NOPCHAP1: variants seen among roughly 807,000 people sequenced by gnomAD.
NOPCHAP1 encodes DNA damage-sensitive RNA 1.
NOPCHAP1 carries 13 observed loss-of-function variants against 14.0 expected under a neutral mutation model. The ratio of observed to expected loss-of-function variants is 0.93; its 90% CI spans 0.60 to 1.47. The LOEUF (loss-of-function observed/expected upper bound fraction) is 1.47. NOPCHAP1 is among the 40% of genes most tolerant of loss of function. The probability of loss-of-function intolerance (pLI) is 0.00; values close to 1 mark genes in which losing one functional copy is unlikely to be tolerated. For synonymous variants in NOPCHAP1, 78 were observed against 78.4 expected (o/e 1.00, Z 0.03); for missense variants, 230 against 226.9 (o/e 1.01, Z -0.09).
At position 105,008,791 on chromosome 12, in the gene NOPCHAP1, G is replaced by A. The variant is rs1873757208; in HGVS notation, c.*14095G>A. On this transcript the variant is annotated 3_prime_UTR_variant, in exon 4 of 4. Coordinates refer to ENST00000552951, the MANE Select transcript of NOPCHAP1 (RefSeq NM_152318.3). ...CAAGTTTTTCAAAGATCAGATGGTT[G>A]TAGATGTGTGGTATTATTTCTGAGG... The A allele has an allele frequency of 6.6e-6, 1 of 152,164 alleles. No individual in the cohort carries two copies. Among genetic ancestry groups the A allele is most frequent in the South Asian group, 2.1e-4 (1 of 4,826 alleles). 9.4% of individuals were successfully genotyped at this position (152,164 alleles called of 1,614,324 possible).
rs1283342881 is a variant in NOPCHAP1 at position 104,999,980 on chromosome 12, G to A, written c.*5284G>A. 1 of 152,196 alleles carries A rather than the reference G, an allele frequency of 6.6e-6. No homozygotes were observed. The highest frequency in any genetic ancestry group is 1.9e-4 in the East Asian group (1 of 5,200). 9.4% of individuals were successfully genotyped at this position (152,196 alleles called of 1,614,324 possible). ...CTTCCTGATATCCCAGTCTCTTGGT[G>A]GCAGATGTTCCTTCTGGCTGCATCT... On this transcript the variant is annotated 3_prime_UTR_variant, in exon 4 of 4. Transcript: ENST00000552951.
chr12:104,990,786 A>C (rs1873358102), intron 2 of NOPCHAP1, among the ~76,000 whole-genome samples: 1 of 152,220 alleles, frequency 6.6e-6, no homozygotes, highest in Non-Finnish European at 1.5e-5. Context: ...AAATGTATTA[A>C]TTAGGATTCT....
rs1311802290 is a variant in NOPCHAP1 at position 105,011,265 on chromosome 12, T to TA, written c.*16572dup. On this transcript the variant is annotated 3_prime_UTR_variant, in exon 4 of 4. Transcript: ENST00000552951. ...TTGTCTTTTTTGATCTTTGTTGGTT[T>TA]AAAGTCTGTTTTATCGGAGACCAGG... 6.6e-6 allele frequency: 1 copy of TA among 152,222 alleles called. No homozygotes were observed. The highest frequency in any genetic ancestry group is 2.4e-5 in the African/African-American group (1 of 41,454). The allele number at this position is 152,222 out of a possible 1,614,324, so 9.4% of individuals were successfully genotyped here.
At position 105,013,280 on chromosome 12, in the gene NOPCHAP1, G is replaced by A. The variant is rs1269043216; in HGVS notation, c.*18584G>A. On this transcript the variant is annotated 3_prime_UTR_variant, in exon 4 of 4. Coordinates refer to ENST00000552951, the MANE Select transcript of NOPCHAP1 (RefSeq NM_152318.3). ...TTCCCTGTGGCTTTATTTACACTGTGAGGAGAAAACTGCCTACTCAAGCCT... is the reference window on the plus strand; with the variant it reads ...TTCCCTGTGGCTTTATTTACACTGTAAGGAGAAAACTGCCTACTCAAGCCT... The A allele has an allele frequency of 6.6e-6, 1 of 152,250 alleles. No individual in the cohort carries two copies. Among genetic ancestry groups the A allele is most frequent in the Non-Finnish European group, 1.5e-5 (1 of 68,096 alleles). 9.4% of individuals were successfully genotyped at this position (152,250 alleles called of 1,614,324 possible). A position where few individuals can be genotyped will look rare whatever the true frequency, so the allele number is the denominator to read the frequency against.
rs928880311 is a variant in NOPCHAP1 at position 105,017,076 on chromosome 12, C to A, written c.*22380C>A. The A allele has an allele frequency of 6.6e-6, 1 of 152,190 alleles. No homozygotes were observed. Among genetic ancestry groups the A allele is most frequent in the Non-Finnish European group, 1.5e-5 (1 of 68,048 alleles). 9.4% of individuals were successfully genotyped at this position (152,190 alleles called of 1,614,324 possible). A position where few individuals can be genotyped will look rare whatever the true frequency, so the allele number is the denominator to read the frequency against. On this transcript the variant is annotated 3_prime_UTR_variant, in exon 4 of 4. Transcript: ENST00000552951. Reference sequence around the variant, plus strand: ...GTGTAATGGCTTTTGAAGCAAAAATCTCATTCTGAATAAATCTCCCATCTG... The same window carrying A: ...GTGTAATGGCTTTTGAAGCAAAAATATCATTCTGAATAAATCTCCCATCTG...
rs1480467943 is a variant in NOPCHAP1, at chr12:105,012,398, C to G, written c.*17702C>G. On this transcript the variant is annotated 3_prime_UTR_variant, in exon 4 of 4. Coordinates refer to ENST00000552951, the MANE Select transcript of NOPCHAP1 (RefSeq NM_152318.3). ...GTTAGCAATTTCTCTAATCTTTTTTCAAGGTTCTTAGCTTCCTTGCATTGG... is the reference window on the plus strand; with the variant it reads ...GTTAGCAATTTCTCTAATCTTTTTTGAAGGTTCTTAGCTTCCTTGCATTGG... The G allele has an allele frequency of 1.3e-5, 2 of 152,092 alleles. No individual in the cohort carries two copies. Among genetic ancestry groups the G allele is most frequent in the Admixed American group, 6.5e-5 (1 of 15,272 alleles). 9.4% of individuals were successfully genotyped at this position (152,092 alleles called of 1,614,324 possible). A position where few individuals can be genotyped will look rare whatever the true frequency, so the allele number is the denominator to read the frequency against.
Position 104,991,758 on chromosome 12 carries a change from TGAAAA to T in NOPCHAP1, c.251_255del (p.Glu84AlafsTer16). The T allele has an allele frequency of 6.2e-7, 1 of 1,613,722 alleles. No individual in the cohort carries two copies. The highest frequency in any genetic ancestry group is 8.5e-7 in the Non-Finnish European group (1 of 1,179,950). ...TTCTCCCACAGATGGCACGGGCAAA[TGAAAA>T]GCTAAGAAAAGAAATGGCAGCTGCA... On this transcript the variant is annotated frameshift_variant, in exon 3 of 4. Transcript: ENST00000552951. LOFTEE classifies it high-confidence loss of function.
chr12:105,015,695 G>A lies in NOPCHAP1; in HGVS notation c.*20999G>A. ...CACTTAGCAGCCATCTGGATTCTCA[G>A]ATTGAAAACAGTGTGTATAGGGTTC... On this transcript the variant is annotated 3_prime_UTR_variant, in exon 4 of 4. Coordinates refer to ENST00000552951, the MANE Select transcript of NOPCHAP1 (RefSeq NM_152318.3). 6.6e-6 allele frequency: 1 copy of A among 152,218 alleles called. No individual in the cohort carries two copies. Among genetic ancestry groups the A allele is most frequent in the East Asian group, 1.9e-4 (1 of 5,200 alleles). The allele number at this position is 152,218 out of a possible 1,614,324, so 9.4% of individuals were successfully genotyped here.
chr12:104,993,785 G>T (rs1873433363), intron 3 of NOPCHAP1, among the ~76,000 whole-genome samples: 1 of 152,200 alleles, frequency 6.6e-6, no homozygotes, highest in Admixed American at 6.5e-5. Context: ...CCTGCAGGTT[G>T]TAATTTACTG....
chr12:104,989,163 T>C (rs55916348), intron 2 of NOPCHAP1, among the ~76,000 whole-genome samples: 14,755 of 152,176 alleles, frequency 0.097, 806 homozygotes, highest in African/African-American at 0.14. Flanking sequence ...CGTTGTGATC[T>C]TAATTTGTTT....
Position 105,016,049 on chromosome 12 carries a change from A to G in NOPCHAP1, c.*21353A>G, listed in dbSNP as rs1873939632. On this transcript the variant is annotated 3_prime_UTR_variant, in exon 4 of 4. Transcript: ENST00000552951. ...CTAAAATTACAAAGGAAAAGAGTGGAAAATTCATCCCCATAAATATTAAAA... is the reference window on the plus strand; with the variant it reads ...CTAAAATTACAAAGGAAAAGAGTGGGAAATTCATCCCCATAAATATTAAAA... 6.6e-6 allele frequency: 1 copy of G among 151,876 alleles called. No homozygotes were observed. The highest frequency in any genetic ancestry group is 2.1e-4 in the South Asian group (1 of 4,822). The allele number at this position is 151,876 out of a possible 1,614,324, so 9.4% of individuals were successfully genotyped here.
At chr12:104,986,561 G>A (rs1873240959) in intron 1 of NOPCHAP1, 94 bp downstream of exon 1, 3 of 1,073,286 alleles carry the variant, frequency 2.8e-6, no homozygotes, top group African/African-American at 1.7e-5. Context: ...CTCCCTGCCC[G>A]GGCTCCGTAC....
rs1263411534 is a variant in NOPCHAP1, at chr12:104,997,147, T to C, written c.*2451T>C. 2 of 152,262 alleles carry C rather than the reference T, an allele frequency of 1.3e-5. No individual in the cohort carries two copies. The highest frequency in any genetic ancestry group is 2.9e-5 in the Non-Finnish European group (2 of 68,044). 9.4% of individuals were successfully genotyped at this position (152,262 alleles called of 1,614,324 possible). A position where few individuals can be genotyped will look rare whatever the true frequency, so the allele number is the denominator to read the frequency against. The stretch of plus-strand genomic sequence containing the variant: ...TCATCATATTGTTAGCTGGTTACCA[T>C]GCAGACTTGTCTGTGTGGTTGCTTT... On this transcript the variant is annotated 3_prime_UTR_variant, in exon 4 of 4. Transcript: ENST00000552951.
intron 2 of NOPCHAP1, among the ~76,000 whole-genome samples, chr12:104,991,387 A>G (rs1873370735): frequency 6.6e-6 from 1 of 152,198 alleles, no homozygotes; most frequent in Admixed American, 6.5e-5. Flanking sequence ...AGTTATTCGT[A>G]CCCTAAAGCC....
At position 105,002,894 on chromosome 12, in the gene NOPCHAP1, A is replaced by G. The variant is rs1873637505; in HGVS notation, c.*8198A>G. On this transcript the variant is annotated 3_prime_UTR_variant, in exon 4 of 4. Transcript: ENST00000552951. ...GCAGGCAGGCCTGGCTGATCAGAGA[A>G]TCCCATTTTGTAAGGCATTTGTCTA... 1 of 152,204 alleles carries G rather than the reference A, an allele frequency of 6.6e-6. No homozygotes were observed. The highest frequency in any genetic ancestry group is 2.1e-4 in the South Asian group (1 of 4,832). The allele number at this position is 152,204 out of a possible 1,614,324, so 9.4% of individuals were successfully genotyped here.
At chr12:104,990,400 T>C (rs1361593850) in intron 2 of NOPCHAP1, among the ~76,000 whole-genome samples, 1 of 152,226 alleles carries the variant, frequency 6.6e-6, no homozygotes, top group African/African-American at 2.4e-5. Flanking sequence ...TACCTTTATT[T>C]GTATTAGTAA....
Position 105,002,896 on chromosome 12 carries a change from C to T in NOPCHAP1, c.*8200C>T, listed in dbSNP as rs991250503. The T allele has an allele frequency of 6.6e-6, 1 of 152,240 alleles. No homozygotes were observed. Among genetic ancestry groups the T allele is most frequent in the South Asian group, 2.1e-4 (1 of 4,818 alleles). The allele number at this position is 152,240 out of a possible 1,614,324, so 9.4% of individuals were successfully genotyped here. On this transcript the variant is annotated 3_prime_UTR_variant, in exon 4 of 4. Transcript: ENST00000552951. Reference sequence around the variant, plus strand: ...AGGCAGGCCTGGCTGATCAGAGAATCCCATTTTGTAAGGCATTTGTCTAAC... The same window carrying T: ...AGGCAGGCCTGGCTGATCAGAGAATTCCATTTTGTAAGGCATTTGTCTAAC...
Position 105,014,455 on chromosome 12 carries a change from A to C in NOPCHAP1, c.*19759A>C, listed in dbSNP as rs557422497. 5.3e-5 allele frequency: 8 copies of C among 152,184 alleles called. No homozygotes were observed. The highest frequency in any genetic ancestry group is 1.9e-4 in the African/African-American group (8 of 41,452). The allele number at this position is 152,184 out of a possible 1,614,324, so 9.4% of individuals were successfully genotyped here. A position where few individuals can be genotyped will look rare whatever the true frequency, so the allele number is the denominator to read the frequency against. On this transcript the variant is annotated 3_prime_UTR_variant, in exon 4 of 4. Transcript: ENST00000552951. The stretch of plus-strand genomic sequence containing the variant: ...AAAATATATTTATTGAAAATAATCC[A>C]TGTATAAGTGGACCCACACAGTTCA...
rs933902836 is a variant in NOPCHAP1 at position 105,011,097 on chromosome 12, T to C, written c.*16401T>C. The C allele has an allele frequency of 1.3e-5, 2 of 152,184 alleles. No individual in the cohort carries two copies. The highest frequency in any genetic ancestry group is 2.9e-5 in the Non-Finnish European group (2 of 68,028). 9.4% of individuals were successfully genotyped at this position (152,184 alleles called of 1,614,324 possible). A position where few individuals can be genotyped will look rare whatever the true frequency, so the allele number is the denominator to read the frequency against. On this transcript the variant is annotated 3_prime_UTR_variant, in exon 4 of 4. Coordinates refer to ENST00000552951, the MANE Select transcript of NOPCHAP1 (RefSeq NM_152318.3). ...GGGGTGTTAAAGTCTCCCACTATTA[T>C]TGTGTGGGAGTCTAAGTCTCTTTGT...
Sources: allele counts gnomAD v4.1 joint callset (sites outside exome capture counted in the v4.1 genomes callset), GRCh38; gene constraint gnomAD v4.1.1; transcripts MANE v1.5; gene names NCBI Gene and HGNC (gene_info 2026-07-23, HGNC 2026-07-21).